PTPRT: variants seen among roughly 807,000 people sequenced by gnomAD.
PTPRT encodes protein tyrosine phosphatase receptor type T.
PTPRT carries 56 observed loss-of-function variants against 176.8 expected under a neutral mutation model. That is an observed-to-expected ratio of 0.32 (90% confidence interval 0.26 to 0.40). The LOEUF is 0.40. PTPRT is among the 10% of genes least tolerant of loss of function. The probability of loss-of-function intolerance (pLI) is 1.00; values close to 1 mark genes in which losing one functional copy is unlikely to be tolerated. For missense variants in PTPRT, 1,540 were observed against 1,908.2 expected (o/e 0.81, Z 3.60); for synonymous variants, 783 against 739.0 (o/e 1.06, Z -0.96).
At position 42,080,132 on chromosome 20, in the gene PTPRT, G is replaced by A. The variant is rs67506870; in HGVS notation, c.*747C>T. 0.21 allele frequency: 47,937 copies of A among 232,732 alleles called. 5,438 individuals are homozygous for A. Among genetic ancestry groups the A allele is most frequent in the Middle Eastern group, 0.26 (205 of 786 alleles). The allele number at this position is 232,732 out of a possible 1,614,324, so 14.4% of individuals were successfully genotyped here. On this transcript the variant is annotated 3_prime_UTR_variant, in exon 31 of 31. Coordinates refer to ENST00000373187, the MANE Select transcript of PTPRT (RefSeq NM_007050.6). The stretch of plus-strand genomic sequence containing the variant: ...TCCCTTTTTACAAAGACAAGGAGGA[G>A]CAGAGAAGTTCCCTGCAGTTCCACC...
intron 7 of PTPRT, among the ~76,000 whole-genome samples, chr20:42,532,760 T>C (rs1422802150): frequency 6.6e-6 from 1 of 151,840 alleles, no homozygotes; most frequent in Non-Finnish European, 1.5e-5. Context: ...CCCCAACATC[T>C]CTCCCACGAC....
At chr20:42,112,404 C>A (rs1987050104) in intron 22 of PTPRT, among the ~76,000 whole-genome samples, 2 of 152,212 alleles carry the variant, frequency 1.3e-5, no homozygotes, top group African/African-American at 4.8e-5. Context: ...CAGTGACTGA[C>A]TGATAGTAGA....
In PTPRT at chr20:42,629,999, CT is replaced by C. The variant is rs1161340951; in HGVS notation, c.1153+47866del. 2.6e-5 allele frequency among the ~76,000 whole-genome samples: 4 copies of C among 152,284 alleles called. No homozygotes were observed. In the East Asian group the frequency reaches 7.7e-4, roughly 29 times the overall value. ...CCCCTGAGACCTGTGAATATGTTAC[CT>C]TACTTAGCAAAAGGGACTTTGCAGA... is the stretch of plus-strand genomic sequence containing the variant. On this transcript the variant is annotated intron_variant, in intron 7 of 30. Coordinates refer to ENST00000373187, the MANE Select transcript of PTPRT (RefSeq NM_007050.6).
At chr20:42,261,007 A>C (rs571071209) in intron 13 of PTPRT, among the ~76,000 whole-genome samples, 1 of 152,314 alleles carries the variant, frequency 6.6e-6, no homozygotes, top group East Asian at 1.9e-4. Context: ...CCCACTGGCC[A>C]GTGCTCAGGA....
At position 42,990,507 on chromosome 20, in the gene PTPRT, C is replaced by G. The variant is rs140958110; in HGVS notation, c.89-104575G>C. The stretch of plus-strand genomic sequence containing the variant: ...GGGCCCACATCAAGAATGGGTAAAA[C>G]TTCAGAGAGCCATAGTGTATATCAA... On this transcript the variant is annotated intron_variant, in intron 1 of 30. Coordinates refer to ENST00000373187, the MANE Select transcript of PTPRT (RefSeq NM_007050.6). Among the ~76,000 whole-genome samples the G allele has an allele frequency of 8.1e-3, 1,239 of 152,254 alleles. 59 individuals carry two copies. The highest frequency in any genetic ancestry group is 0.063 in the Admixed American group (970 of 15,278).
chr20:43,161,670 C>T (rs2014703968), intron 1 of PTPRT, among the ~76,000 whole-genome samples: 1 of 152,168 alleles, frequency 6.6e-6, no homozygotes, highest in African/African-American at 2.4e-5. Context: ...AGCCTGTGCA[C>T]ACAACTGAAA....
intron 1 of PTPRT, among the ~76,000 whole-genome samples, chr20:43,167,607 T>C (rs1469104679): frequency 6.6e-6 from 1 of 152,248 alleles, no homozygotes; most frequent in Non-Finnish European, 1.5e-5. Context: ...GGTGACGGGA[T>C]ATCATTTATG....
intron 16 of PTPRT, among the ~76,000 whole-genome samples, chr20:42,177,272 T>G (rs567760159): frequency 6.6e-6 from 1 of 152,322 alleles, no homozygotes; most frequent in Admixed American, 6.5e-5. Context: ...AGTGAGGGAT[T>G]AGGTGGTCTC....
At chr20:42,429,332 G>C (rs1039204449) in intron 9 of PTPRT, among the ~76,000 whole-genome samples, 3 of 152,188 alleles carry the variant, frequency 2.0e-5, no homozygotes, top group African/African-American at 4.8e-5. Flanking sequence ...AGCCGGTTGA[G>C]AGAATCGGGG....
rs1470954848 is a variant in PTPRT at position 42,406,686 on chromosome 20, A to C, written c.1560+41534T>G. On this transcript the variant is annotated intron_variant, in intron 9 of 30. Coordinates refer to ENST00000373187, the MANE Select transcript of PTPRT (RefSeq NM_007050.6). Reference sequence around the variant, plus strand: ...TTCATGCCAAAACAGGATACAAATAATGCAAAAATAAAACTAGAGATAAAT... The same window carrying C: ...TTCATGCCAAAACAGGATACAAATACTGCAAAAATAAAACTAGAGATAAAT... 2.0e-5 allele frequency among the ~76,000 whole-genome samples: 3 copies of C among 152,220 alleles called. No individual in the cohort carries two copies. The East Asian group carries it at 5.8e-4, about 29-fold the overall frequency.
chr20:42,104,677 G>C lies in PTPRT; in HGVS notation c.3432C>G (p.Cys1144Trp). 1 of 1,590,938 alleles carries C rather than the reference G, an allele frequency of 6.3e-7. No individual in the cohort carries two copies. The highest frequency in any genetic ancestry group is 8.6e-7 in the Non-Finnish European group (1 of 1,158,794). The change falls in exon 25 of 31, where the codon TGC becomes TGG. Residue 1144 changes from cysteine to tryptophan, a missense_variant. Physicochemically the swap from Cys to Trp is radical, Grantham distance 215. Transcript: ENST00000373187. ...VFVHDAILEA[C>W]LCGNTAIPVC... is the part of the protein sequence containing the mutation. Reference sequence around the variant, plus strand: ...CAGGGATGGCAGTGTTGCCACAGAGGCACGCTTCCAGGATGGCATCGTGCA... The same window carrying C: ...CAGGGATGGCAGTGTTGCCACAGAGCCACGCTTCCAGGATGGCATCGTGCA...
chr20:42,550,296 C>A (rs1250451672), intron 7 of PTPRT, among the ~76,000 whole-genome samples: 11 of 151,778 alleles, frequency 7.2e-5, no homozygotes, highest in Non-Finnish European at 1.6e-4. Flanking sequence ...AAGGGACTCA[C>A]TAGCAAATGA....
chr20:42,348,026 C>T (rs530933435), intron 11 of PTPRT, among the ~76,000 whole-genome samples: 1 of 152,318 alleles, frequency 6.6e-6, no homozygotes, highest in African/African-American at 2.4e-5. Context: ...TTGCTTAGCT[C>T]ACTTCCCTAA....
chr20:43,179,983 G>T (rs1313683167), intron 1 of PTPRT, among the ~76,000 whole-genome samples: 2 of 152,204 alleles, frequency 1.3e-5, no homozygotes, highest in Non-Finnish European at 2.9e-5. Flanking sequence ...GGGTGTGTGT[G>T]TGAGGGTGTT....
chr20:42,272,522 C>T (rs1458412289), intron 13 of PTPRT, among the ~76,000 whole-genome samples: 1 of 152,120 alleles, frequency 6.6e-6, no homozygotes, highest in Non-Finnish European at 1.5e-5. Context: ...TCCCACTTGG[C>T]CCCCTTCAGC....
chr20:42,325,474 A>G (rs1163230391), intron 11 of PTPRT, among the ~76,000 whole-genome samples: 1 of 152,158 alleles, frequency 6.6e-6, no homozygotes, highest in Non-Finnish European at 1.5e-5. Flanking sequence ...TCCCTCAATC[A>G]TGGCTCTTCT....
At chr20:43,164,621 A>G (rs7261801) in intron 1 of PTPRT, among the ~76,000 whole-genome samples, 5,212 of 152,264 alleles carry the variant, frequency 0.034, 324 homozygotes, top group African/African-American at 0.12. Flanking sequence ...AGTGCCCACA[A>G]ACCTTTTCTG....
intron 1 of PTPRT, among the ~76,000 whole-genome samples, chr20:42,910,766 A>G (rs1260820130): frequency 6.6e-6 from 1 of 152,212 alleles, no homozygotes. Flanking sequence ...AATGACTTTC[A>G]AAAGAACATT....
chr20:42,659,149 T>A (rs2145994499), intron 7 of PTPRT, among the ~76,000 whole-genome samples: 1 of 152,278 alleles, frequency 6.6e-6, no homozygotes, highest in South Asian at 2.1e-4. Context: ...CCTTAACTTT[T>A]CCACTATATA....
Sources: gnomAD v4.1 joint callset for allele counts (sites outside exome capture counted in the v4.1 genomes callset) on GRCh38, gnomAD v4.1.1 for gene constraint, MANE v1.5 for transcripts, NCBI Gene and HGNC (gene_info 2026-07-23, HGNC 2026-07-21) for gene names.